Variants in FGF10 observed in about 807,000 individuals in gnomAD.
FGF10 encodes the protein fibroblast growth factor 10.
Under a neutral mutation model 19.8 loss-of-function variants are expected in FGF10, and 2 were observed. The observed-to-expected ratio is 0.10, with a 90% CI of 0.04 to 0.32. The LOEUF (loss-of-function observed/expected upper bound fraction) is 0.32, where lower values mean the gene tolerates loss of function less well. FGF10 is among the 10% of genes least tolerant of loss of function. FGF10 has a pLI of 1.00. For missense variants in FGF10, 191 were observed against 246.3 expected, an observed-to-expected ratio of 0.78 and a Z score of 1.50; for synonymous variants, 112 against 94.0, an observed-to-expected ratio of 1.19 and a Z score of -1.10.
At chr5:44,309,665 TA>T (rs1336264619) in intron 2 of FGF10, among the ~76,000 whole-genome samples, 3 of 152,176 alleles carry the variant, frequency 2.0e-5, no homozygotes, top group African/African-American at 7.2e-5. Flanking sequence ...GCTTGTAATT[TA>T]ATTATTATTA....
chr5:44,354,114 C>G (rs1741293073), intron 1 of FGF10, among the ~76,000 whole-genome samples: 1 of 151,050 alleles, frequency 6.6e-6, no homozygotes, highest in African/African-American at 2.4e-5. Context: ...TCAAAATGTT[C>G]CCTTTTCTTA....
chr5:44,329,032 A>G (rs567361855), intron 1 of FGF10, among the ~76,000 whole-genome samples: 73 of 152,302 alleles, frequency 4.8e-4, no homozygotes, highest in South Asian at 4.6e-3. Flanking sequence ...GGAAAACCTT[A>G]TAAGAAAAAT....
At chr5:44,346,743 A>G (rs1741098599) in intron 1 of FGF10, among the ~76,000 whole-genome samples, 1 of 151,906 alleles carries the variant, frequency 6.6e-6, no homozygotes, top group Non-Finnish European at 1.5e-5. Context: ...ACTTTTTGCA[A>G]TAATAGAAAT....
chr5:44,316,519 G>A (rs1740354019), intron 1 of FGF10, among the ~76,000 whole-genome samples: 1 of 152,094 alleles, frequency 6.6e-6, no homozygotes, highest in Non-Finnish European at 1.5e-5. Context: ...AGAATTCCTG[G>A]CATATTTCCA....
At chr5:44,313,441 C>T (rs902895590) in intron 1 of FGF10, among the ~76,000 whole-genome samples, 1 of 151,904 alleles carries the variant, frequency 6.6e-6, no homozygotes, top group African/African-American at 2.4e-5. Context: ...GCTTATAGTT[C>T]TATATGTGTA....
rs369788836 is a variant in FGF10, at chr5:44,301,215, C to G, written c.*3780G>C. Among the ~76,000 whole-genome samples the G allele has an allele frequency of 2.0e-5, 3 of 151,902 alleles. No individual in the cohort carries two copies. Among genetic ancestry groups the G allele is most frequent in the African/African-American group, 7.2e-5 (3 of 41,446 alleles). On this transcript the variant is annotated 3_prime_UTR_variant, in exon 3 of 3. Transcript: ENST00000264664. Reference sequence around the variant, plus strand: ...ATGGTATCTGTTTGCATGTATATGTCCTACTTCTAATGTACTAGACATCTT... The same window carrying G: ...ATGGTATCTGTTTGCATGTATATGTGCTACTTCTAATGTACTAGACATCTT...
intron 1 of FGF10, among the ~76,000 whole-genome samples, chr5:44,312,562 G>A (rs550111073): frequency 6.6e-6 from 1 of 152,022 alleles, no homozygotes; most frequent in Non-Finnish European, 1.5e-5. Flanking sequence ...TTCCTCCCAA[G>A]GATGATGGCA....
rs373882586 is a variant in FGF10 at position 44,315,826 on chromosome 5, C to T, written c.326-5296G>A. ...GGTTGTTATCACATTTTCACTAATACCTCTGGGATTATGTGGCCATACCAT... is the reference window on the plus strand; with the variant it reads ...GGTTGTTATCACATTTTCACTAATATCTCTGGGATTATGTGGCCATACCAT... On this transcript the variant is annotated intron_variant, in intron 1 of 2. Transcript: ENST00000264664. Among the ~76,000 whole-genome samples the T allele has an allele frequency of 3.3e-5, 5 of 152,220 alleles. No homozygotes were observed. In the South Asian group the frequency reaches 1.0e-3, roughly 32 times the overall value.
intron 1 of FGF10, among the ~76,000 whole-genome samples, chr5:44,323,342 T>A (rs191009233): frequency 2.8e-4 from 43 of 152,284 alleles, no homozygotes; most frequent in Non-Finnish European, 5.6e-4. Context: ...AGAAATTAGT[T>A]TAAAGGGTTT....
At chr5:44,359,643 T>A in intron 1 of FGF10, among the ~76,000 whole-genome samples, 1 of 151,472 alleles carries the variant, frequency 6.6e-6, no homozygotes, top group East Asian at 1.9e-4. Flanking sequence ...AAAATGGTGA[T>A]AATGCCACTT....
chr5:44,388,158 G>T (rs552167968), intron 1 of FGF10, among the ~76,000 whole-genome samples, 200 bp downstream of exon 1: 2 of 151,386 alleles, frequency 1.3e-5, no homozygotes, highest in African/African-American at 2.4e-5. Flanking sequence ...TGAAGGGAGC[G>T]CGCTTAGGGG....
chr5:44,336,132 A>G (rs1049056301), intron 1 of FGF10, among the ~76,000 whole-genome samples: 9 of 152,020 alleles, frequency 5.9e-5, no homozygotes, highest in African/African-American at 1.4e-4. Context: ...TCAGTATTTC[A>G]TTAATGTTTT....
chr5:44,385,720 C>T (rs1742081978), intron 1 of FGF10, among the ~76,000 whole-genome samples: 1 of 152,192 alleles, frequency 6.6e-6, no homozygotes, highest in Non-Finnish European at 1.5e-5. Context: ...GGACAGCTGG[C>T]TGGCTACCCT....
chr5:44,374,276 G>T (rs1741806722), intron 1 of FGF10, among the ~76,000 whole-genome samples: 1 of 151,964 alleles, frequency 6.6e-6, no homozygotes, highest in Admixed American at 6.6e-5. Context: ...TCTTATAAGG[G>T]CACTTGTGAT....
At chr5:44,378,065 A>T (rs553292496) in intron 1 of FGF10, among the ~76,000 whole-genome samples, 13 of 146,908 alleles carry the variant, frequency 8.8e-5, no homozygotes, top group Admixed American at 7.7e-4. Flanking sequence ...TACCACTATT[A>T]CAGTGAAAAA....
rs1297278188 is a variant in FGF10 at position 44,301,372 on chromosome 5, A to G, written c.*3623T>C. ...ACAAACCTTGAATTGGCAGCATCCA[A>G]ATTATTAGAACTGTGCAGCATTAAT... is the stretch of plus-strand genomic sequence containing the variant. On this transcript the variant is annotated 3_prime_UTR_variant, in exon 3 of 3. Coordinates refer to ENST00000264664, the MANE Select transcript of FGF10 (RefSeq NM_004465.2). Among the ~76,000 whole-genome samples, 1 of 152,186 alleles carries G rather than the reference A, an allele frequency of 6.6e-6. No individual in the cohort carries two copies. The highest frequency in any genetic ancestry group is 6.6e-5 in the Admixed American group (1 of 15,254).
At chr5:44,381,523 G>A (rs773425129) in intron 1 of FGF10, among the ~76,000 whole-genome samples, 20 of 151,634 alleles carry the variant, frequency 1.3e-4, no homozygotes, top group Non-Finnish European at 2.4e-4. Context: ...GAGTGAGGAA[G>A]GGACGATAAA....
At position 44,389,322 on chromosome 5, in the gene FGF10, T is replaced by C. The variant is rs548232073; in HGVS notation, c.-640A>G. 6.3e-6 allele frequency: 1 copy of C among 158,418 alleles called. No homozygotes were observed. The highest frequency in any genetic ancestry group is 6.0e-5 in the Admixed American group (1 of 16,626). 9.8% of individuals were successfully genotyped at this position (158,418 alleles called of 1,614,324 possible). A position where few individuals can be genotyped will look rare whatever the true frequency, so the allele number is the denominator to read the frequency against. On this transcript the variant is annotated 5_prime_UTR_variant, in exon 1 of 3. Transcript: ENST00000264664. ...AGGCTGCCGAAAGTCACTTTTTGTT[T>C]TGGGGGACGGCGGCTGGTGTTTTGT... is the stretch of plus-strand genomic sequence containing the variant.
chr5:44,344,790 T>C (rs1741050681), intron 1 of FGF10, among the ~76,000 whole-genome samples: 1 of 151,812 alleles, frequency 6.6e-6, no homozygotes, highest in Non-Finnish European at 1.5e-5. Flanking sequence ...TAGGGGTCAG[T>C]AAAAGAAAGG....
Sources: gnomAD v4.1 joint callset for allele counts (sites outside exome capture counted in the v4.1 genomes callset) on GRCh38, gnomAD v4.1.1 for gene constraint, MANE v1.5 for transcripts, NCBI Gene and HGNC (gene_info 2026-07-23, HGNC 2026-07-21) for gene names.